The following GCAT variants were observed in gnomAD, a reference collection of about 807,000 sequenced individuals.
The protein encoded by GCAT is glycine C-acetyltransferase.
In GCAT, 26 loss-of-function variants were observed where a neutral mutation model predicts 39.7. That is an observed-to-expected ratio of 0.65 (90% CI 0.48 to 0.91). The LOEUF is 0.91. Among genes scored for constraint, GCAT ranks in the 40% least tolerant of loss-of-function variants. GCAT has a pLI of 0.00. For missense variants in GCAT, 550 were observed against 576.2 expected, an observed-to-expected ratio of 0.95 and a Z score of 0.47; for synonymous variants, 218 against 237.2, an observed-to-expected ratio of 0.92 and a Z score of 0.74.
At chr22:37,816,546 C>T in intron 8 of GCAT, 21 bp from the exon 9 acceptor site, 3 of 1,613,934 alleles carry the variant, frequency 1.9e-6, no homozygotes, top group Non-Finnish European at 8.5e-7. Context: ...TCTGGCACGC[C>T]CTTGCTTTCT....
chr22:37,809,714 A>G (rs1346054021), intron 1 of GCAT, among the ~76,000 whole-genome samples: 9 of 152,112 alleles, frequency 5.9e-5, no homozygotes, highest in Non-Finnish European at 1.2e-4. Flanking sequence ...CCAGCTACTC[A>G]GGAGGTTAAG....
Position 37,816,671 on chromosome 22 carries a change from G to C in GCAT, c.1213G>C (p.Val405Leu). The change falls in exon 9 of 9, where the codon GTG becomes CTG. Residue 405 changes from valine (V) to leucine (L), a missense_variant. Transcript: ENST00000248924. ...TAGCGAGGAAGACATTGACCGCTGC[G>C]TGGAGGCCTTCGTGGAAGTGGGGCG... The part of the protein sequence containing the change: ...VHSEEDIDRC[V>L]EAFVEVGRLH... 1 of 1,614,124 alleles carries C rather than the reference G, an allele frequency of 6.2e-7. No individual in the cohort carries two copies.
chr22:37,809,685 G>A (rs1272230094), intron 1 of GCAT, among the ~76,000 whole-genome samples: 1 of 152,046 alleles, frequency 6.6e-6, no homozygotes, highest in Non-Finnish European at 1.5e-5. Flanking sequence ...ATCGGGCATG[G>A]TGGCACGCAC....
At chr22:37,811,433 A>G (rs1206680942) in intron 2 of GCAT, among the ~76,000 whole-genome samples, 3 of 146,684 alleles carry the variant, frequency 2.0e-5, no homozygotes, top group Non-Finnish European at 3.0e-5. Flanking sequence ...GTGAGCTGAG[A>G]TCACGCCACT....
rs559934294 is a variant in GCAT at position 37,815,605 on chromosome 22, G to T, written c.815-58G>T. 478 of 1,490,612 alleles carry T rather than the reference G, an allele frequency of 3.2e-4. 3 individuals carry two copies. In the East Asian group the frequency reaches 8.9e-3, roughly 28 times the overall value. The allele number at this position is 1,490,612 out of a possible 1,614,324, so 92.3% of individuals were successfully genotyped here. A position where few individuals can be genotyped will look rare whatever the true frequency, so the allele number is the denominator to read the frequency against. On this transcript the variant is annotated intron_variant, in intron 6 of 8. Transcript: ENST00000248924. ...GCATGGACTGTACTTTCAGGAGGGG[G>T]TTGGGTAGGCTCTGGCCCCTGACCA...
chr22:37,810,512 A>ATTTTTTTTTTTTTTTTTTTTTT, intron 2 of GCAT, among the ~76,000 whole-genome samples: 1 of 103,076 alleles, frequency 9.7e-6, no homozygotes, highest in Non-Finnish European at 1.8e-5. Context: ...CACCCAGCTA[A>ATTTTTTTTTTTTTTTTTTTTTT]TTTTTTTTTT....
At chr22:37,814,983 G>A in intron 4 of GCAT, 143 bp from the exon 5 acceptor site, 1 of 699,854 alleles carries the variant, frequency 1.4e-6, no homozygotes, top group Admixed American at 2.5e-5. Context: ...GGATGTTCCA[G>A]CCCCCAAGAT....
chr22:37,813,380 GT>G (rs1453634091), intron 3 of GCAT, 82 bp from the exon 4 acceptor site: 4 of 1,448,064 alleles, frequency 2.8e-6, no homozygotes, highest in African/African-American at 1.4e-5. Context: ...TGGCAGTACA[GT>G]TTTTTGATTT....
At chr22:37,812,166 A>AG (rs11430257) in intron 2 of GCAT, among the ~76,000 whole-genome samples, 9 of 26,220 alleles carry the variant, frequency 3.4e-4, no homozygotes, top group African/African-American at 1.5e-3. Flanking sequence ...CCCTCTCTCT[A>AG]AAAAAAAAAA....
At chr22:37,816,069 CT>C in intron 7 of GCAT, 130 bp from the exon 8 acceptor site, 1 of 1,206,982 alleles carries the variant, frequency 8.3e-7, no homozygotes, top group Non-Finnish European at 1.1e-6. Flanking sequence ...CCCTCTGCCT[CT>C]TAGAGCTTGT....
At chr22:37,808,267 T>G in intron 1 of GCAT, 104 bp downstream of exon 1, 2 of 872,676 alleles carry the variant, frequency 2.3e-6, no homozygotes, top group Non-Finnish European at 3.3e-6. Context: ...TTAGCTACTG[T>G]TCCCCTTCGC....
rs769635515 is a variant in GCAT at position 37,816,682 on chromosome 22, C to T, written c.1224C>T (p.Phe408=). 78 of 1,613,960 alleles carry T rather than the reference C, an allele frequency of 4.8e-5. No individual in the cohort carries two copies. The highest frequency in any genetic ancestry group is 3.3e-4 in the Middle Eastern group (2 of 6,084). Residue 408 remains phenylalanine (F), a synonymous_variant, in exon 9 of 9, where the codon TTC becomes TTT. Transcript: ENST00000248924. Reference sequence around the variant, plus strand: ...ACATTGACCGCTGCGTGGAGGCCTTCGTGGAAGTGGGGCGACTGCACGGGG... The same window carrying T: ...ACATTGACCGCTGCGTGGAGGCCTTTGTGGAAGTGGGGCGACTGCACGGGG... ...EEDIDRCVEA[F]VEVGRLHGAL...
chr22:37,813,098 G>A, intron 3 of GCAT, 110 bp downstream of exon 3: 3 of 810,942 alleles, frequency 3.7e-6, no homozygotes, highest in Admixed American at 3.9e-5. Context: ...CATGCCTAGA[G>A]GCTCCAGAGC....
intron 3 of GCAT, 94 bp downstream of exon 3, chr22:37,813,082 C>G: frequency 1.1e-6 from 1 of 895,976 alleles, no homozygotes; most frequent in South Asian, 1.3e-5. Context: ...TAGCAGGATT[C>G]AGTGCCATGC....
Position 37,815,790 on chromosome 22 carries a change from G to A in GCAT, c.942G>A (p.Met314Ile). Reference protein sequence around the residue: ...GCASKALDLLMGSNTIVQSMA... With the variant: ...GCASKALDLLIGSNTIVQSMA... ...CCTCCAAGGCCCTAGATCTGCTGAT[G>A]GGGAGTAACACCATTGTCCAGTCTA... Residue 314 changes from methionine to isoleucine, a missense_variant, in exon 7 of 9, where the codon ATG (methionine) becomes ATA (isoleucine). Met to Ile is a conservative substitution (Grantham distance 10). Around this residue, in one of 3 missense-constraint regions of GCAT, gnomAD observed 378 missense variants for 390.4 expected, o/e 0.97. Coordinates refer to ENST00000248924, the MANE Select transcript of GCAT (RefSeq NM_014291.4). The A allele has an allele frequency of 6.2e-7, 1 of 1,614,072 alleles. No homozygotes were observed. The highest frequency in any genetic ancestry group is 8.5e-7 in the Non-Finnish European group (1 of 1,179,964).
At position 37,808,017 on chromosome 22, in the gene GCAT, G is replaced by T. The variant is rs1262950793; in HGVS notation, c.50G>T (p.Gly17Val). ...WRAALFWVPR[G>V]RRAQSALAQL... Reference sequence around the variant, plus strand: ...GCCGCACTCTTCTGGGTGCCCCGCGGCCGCCGCGCACAGTCAGCGCTGGCC... The same window carrying T: ...GCCGCACTCTTCTGGGTGCCCCGCGTCCGCCGCGCACAGTCAGCGCTGGCC... Residue 17 changes from glycine (G) to valine (V), a missense_variant, in exon 1 of 9, where the codon GGC becomes GTC. By Grantham distance (109) the Gly-to-Val change is moderately radical. Coordinates refer to ENST00000248924, the MANE Select transcript of GCAT (RefSeq NM_014291.4). 6.5e-7 allele frequency: 1 copy of T among 1,546,326 alleles called. No homozygotes were observed.
chr22:37,816,782 G>C lies in GCAT; in HGVS notation c.*64G>C. ...TGCCACAGGGTCAAAGGAGGTTTTC[G>C]ATCAGCCCAGACCAGAGGCTCTGAG... On this transcript the variant is annotated 3_prime_UTR_variant, in exon 9 of 9. Coordinates refer to ENST00000248924, the MANE Select transcript of GCAT (RefSeq NM_014291.4). 1.3e-6 allele frequency: 2 copies of C among 1,556,248 alleles called. No homozygotes were observed. The highest frequency in any genetic ancestry group is 2.2e-5 in the South Asian group (2 of 89,082).
intron 3 of GCAT, chr22:37,813,251 A>G (rs1283037313): frequency 1.4e-6 from 1 of 702,398 alleles, no homozygotes; most frequent in Non-Finnish European, 2.6e-6. Context: ...GTACTCACCA[A>G]ATATATTCTC....
Sources: gnomAD v4.1 joint callset for allele counts (sites outside exome capture counted in the v4.1 genomes callset) on GRCh38, gnomAD v4.1.1 for gene constraint, gnomAD v4.1.1 regional missense constraint, MANE v1.5 for transcripts, NCBI Gene and HGNC (gene_info 2026-07-23, HGNC 2026-07-21) for gene names.